The following OR10J1 variants were observed in gnomAD, a reference collection of about 807,000 sequenced individuals.
OR10J1 encodes the protein olfactory receptor 10J1.
For synonymous variants in OR10J1, 202 were observed against 143.8 expected, an observed-to-expected ratio of 1.40 and a Z score of -2.89; for missense variants, 474 against 376.6, an observed-to-expected ratio of 1.26 and a Z score of -2.14.
At position 159,440,394 on chromosome 1, in the gene OR10J1, C is replaced by G. The variant is rs769502705; in HGVS notation, c.603C>G (p.Ile201Met). ...TCAATGAAATCCTGACTTTGATTAT[C>G]AGTGTGCTGGTGCTTGTTGTACCTA... ...TTVNEILTLI[I>M]SVLVLVVPMG... Residue 201 changes from isoleucine (I) to methionine (M), a missense_variant, in exon 1 of 1, where the codon ATC becomes ATG. Ile to Met is a conservative substitution (Grantham distance 10, BLOSUM62 1). Transcript: ENST00000423932. 1.2e-6 allele frequency: 2 copies of G among 1,614,130 alleles called. No individual in the cohort carries two copies. Among genetic ancestry groups the G allele is most frequent in the Non-Finnish European group, 8.5e-7 (1 of 1,180,006 alleles).
At chr1:159,417,357 C>T in the OR10J1 span, among the ~76,000 whole-genome samples, 1 of 152,034 alleles carries the variant, frequency 6.6e-6, no homozygotes, top group Non-Finnish European at 1.5e-5. Flanking sequence ...CTGACCACAC[C>T]CAAATCTCAT....
the OR10J1 span, among the ~76,000 whole-genome samples, chr1:159,398,737 A>C: frequency 4.6e-5 from 7 of 152,182 alleles, no homozygotes; most frequent in African/African-American, 1.7e-4. Flanking sequence ...AAAAAGAATA[A>C]AAAACAATAA....
Position 159,440,941 on chromosome 1 carries a change from T to G in OR10J1, c.*220T>G. The G allele has an allele frequency of 2.1e-6, 1 of 470,854 alleles. No homozygotes were observed. Among genetic ancestry groups the G allele is most frequent in the South Asian group, 5.2e-5 (1 of 19,188 alleles). The allele number at this position is 470,854 out of a possible 1,614,324, so 29.2% of individuals were successfully genotyped here. On this transcript the variant is annotated 3_prime_UTR_variant, in exon 1 of 1. Coordinates refer to ENST00000423932, the MANE Select transcript of OR10J1 (RefSeq NM_012351.3). ...GATAAATAGACAAACAAGGATAAGA[T>G]ATGCCTAAATAAAAGGCCAGAAAGT...
chr1:159,405,644 G>A, the OR10J1 span: 1 of 455,192 alleles, frequency 2.2e-6, no homozygotes. Flanking sequence ...ACTATGAGAT[G>A]GGAGGTGCAG....
the OR10J1 span, among the ~76,000 whole-genome samples, chr1:159,407,521 C>T: frequency 6.6e-6 from 1 of 152,096 alleles, no homozygotes; most frequent in East Asian, 1.9e-4. Flanking sequence ...AACATTCCAT[C>T]AGCAGAGATA....
At chr1:159,424,977 G>A in the OR10J1 span, among the ~76,000 whole-genome samples, 1 of 152,018 alleles carries the variant, frequency 6.6e-6, no homozygotes, top group African/African-American at 2.4e-5. Flanking sequence ...GACAAAGAAA[G>A]GGAGAAAAAC....
upstream of OR10J1, among the ~76,000 whole-genome samples, chr1:159,437,239 G>A (rs1443838262): frequency 1.3e-5 from 2 of 152,144 alleles, no homozygotes; most frequent in Non-Finnish European, 2.9e-5. Context: ...AGAATCTTTG[G>A]ATCTAAAGAT....
chr1:159,407,638 C>A, the OR10J1 span, among the ~76,000 whole-genome samples: 3 of 152,068 alleles, frequency 2.0e-5, no homozygotes, highest in Admixed American at 6.6e-5. Context: ...TGAATACAAT[C>A]AATTTTATAA....
upstream of OR10J1, among the ~76,000 whole-genome samples, chr1:159,434,988 G>T (rs115802871): frequency 4.6e-5 from 7 of 152,214 alleles, no homozygotes; most frequent in African/African-American, 1.7e-4. Context: ...TTGTAACTGG[G>T]CTTCTCTTAT....
At chr1:159,419,262 C>A in the OR10J1 span, among the ~76,000 whole-genome samples, 2 of 152,130 alleles carry the variant, frequency 1.3e-5, no homozygotes, top group South Asian at 4.1e-4. Context: ...TTGACTCTGA[C>A]CCTACCCAAA....
chr1:159,424,325 T>C, the OR10J1 span, among the ~76,000 whole-genome samples: 1 of 151,308 alleles, frequency 6.6e-6, no homozygotes, highest in Non-Finnish European at 1.5e-5. Flanking sequence ...ATATATGTGT[T>C]AATATGCACA....
the OR10J1 span, among the ~76,000 whole-genome samples, chr1:159,403,222 T>A: frequency 6.6e-6 from 1 of 151,912 alleles, no homozygotes; most frequent in Non-Finnish European, 1.5e-5. Flanking sequence ...TCTTGAGCAA[T>A]AACCCACAAA....
chr1:159,428,262 G>A, the OR10J1 span, among the ~76,000 whole-genome samples: 1 of 151,988 alleles, frequency 6.6e-6, no homozygotes, highest in Non-Finnish European at 1.5e-5. Context: ...TGATGTAGTC[G>A]TCAATACATT....
chr1:159,424,915 C>A, the OR10J1 span, among the ~76,000 whole-genome samples: 1 of 151,962 alleles, frequency 6.6e-6, no homozygotes, highest in Non-Finnish European at 1.5e-5. Context: ...TGAAGAGTAC[C>A]ATCATGTCAC....
At chr1:159,439,576 T>C, upstream of OR10J1, 1 of 624,232 alleles carries the variant, frequency 1.6e-6, no homozygotes, top group East Asian at 2.8e-5. Context: ...TATGATTCTA[T>C]GATGCATGGA....
At chr1:159,415,747 TA>T in the OR10J1 span, among the ~76,000 whole-genome samples, 1 of 152,026 alleles carries the variant, frequency 6.6e-6, no homozygotes, top group South Asian at 2.1e-4. Flanking sequence ...TTAATGATAT[TA>T]ATTATTTTAA....
At chr1:159,418,934 AT>A in the OR10J1 span, among the ~76,000 whole-genome samples, 1 of 152,170 alleles carries the variant, frequency 6.6e-6, no homozygotes, top group South Asian at 2.1e-4. Flanking sequence ...GAGCTTTAAG[AT>A]TTGACTGCCC....
chr1:159,430,640 G>GGGGTGTGTGTGTGT, the OR10J1 span, among the ~76,000 whole-genome samples: 14 of 140,934 alleles, frequency 9.9e-5, no homozygotes, highest in South Asian at 4.8e-4. Context: ...AAAAAATTAT[G>GGGGTGTGTGTGTGT]GTGTGTGTGT....
At chr1:159,402,363 A>G in the OR10J1 span, among the ~76,000 whole-genome samples, 1 of 152,106 alleles carries the variant, frequency 6.6e-6, no homozygotes, top group Admixed American at 6.6e-5. Context: ...GGGAAACCTA[A>G]AGACTTCACA....
Sources: allele counts gnomAD v4.1 joint callset (sites outside exome capture counted in the v4.1 genomes callset), GRCh38; gene constraint gnomAD v4.1.1; transcripts MANE v1.5; gene names NCBI Gene and HGNC (gene_info 2026-07-23, HGNC 2026-07-21).